Variants in PCNT observed in about 807,000 individuals in gnomAD.
PCNT encodes the protein kendrin.
In PCNT, 319 loss-of-function variants were observed where a neutral mutation model predicts 380.4. The observed-to-expected ratio is 0.84, with a 90% CI of 0.77 to 0.92. The LOEUF is 0.92. Ranked by LOEUF, PCNT falls within the 40% of genes least tolerant of loss-of-function variation. The pLI is 0.00. For synonymous variants in PCNT, 1,845 were observed against 1,735.2 expected (o/e 1.06, Z -1.57); for missense variants, 4,400 against 4,255.3 (o/e 1.03, Z -0.95).
intron 2 of PCNT, among the ~76,000 whole-genome samples, chr21:46,333,832 G>A (rs1185091777): frequency 6.1e-5 from 9 of 146,658 alleles, no homozygotes; most frequent in Non-Finnish European, 3.0e-5. Flanking sequence ...GCAAGACTCC[G>A]TCTCAAAAAA....
intron 21 of PCNT, 145 bp downstream of exon 21, chr21:46,391,521 G>C: frequency 2.8e-6 from 2 of 706,296 alleles, no homozygotes; most frequent in Non-Finnish European, 4.7e-6. Context: ...CACTGGGCAT[G>C]GGAAGCTTGT....
chr21:46,370,072 C>T (rs903709448), intron 15 of PCNT, among the ~76,000 whole-genome samples: 3 of 152,192 alleles, frequency 2.0e-5, no homozygotes, highest in African/African-American at 7.2e-5. Flanking sequence ...CTTCTCTGCC[C>T]TGAGTCTTCA....
At chr21:46,399,255 T>TGTGCAGCCTGTGGGTCTTGGTCTCCCC (rs2086322920) in intron 24 of PCNT, among the ~76,000 whole-genome samples, 93 of 150,666 alleles carry the variant, frequency 6.2e-4, no homozygotes, top group African/African-American at 1.0e-3. Flanking sequence ...TAGGTCTCCC[T>TGTGCAGCCTGTGGGTCTTGGTCTCCCC]GTGCAGCCTG....
rs139247733 is a variant in PCNT at position 46,366,823 on chromosome 21, A to C, written c.2849A>C (p.Gln950Pro). 6.5e-5 allele frequency: 105 copies of C among 1,613,850 alleles called. No individual in the cohort carries two copies. The highest frequency in any genetic ancestry group is 8.1e-5 in the Non-Finnish European group (95 of 1,180,048). The change falls in exon 15 of 47, where the codon CAG becomes CCG. Residue 950 changes from glutamine (Q) to proline (P), a missense_variant. Physicochemically the swap from Gln to Pro is moderately conservative, Grantham distance 76 (BLOSUM62 -1). Coordinates refer to ENST00000359568, the MANE Select transcript of PCNT (RefSeq NM_006031.6). ...ALLAARVAEL[Q>P]TKHAADLGAL... ...CTGGCTGCACGTGTGGCCGAACTGC[A>C]GACAAAACACGCTGCCGACCTCGGC... is the stretch of plus-strand genomic sequence containing the variant.
chr21:46,351,728 T>C (rs2041540886), intron 9 of PCNT, among the ~76,000 whole-genome samples, 188 bp downstream of exon 9: 1 of 152,196 alleles, frequency 6.6e-6, no homozygotes, highest in Admixed American at 6.5e-5. Flanking sequence ...AGAGCCCTGG[T>C]TTTATGCTAA....
At position 46,353,210 on chromosome 21, in the gene PCNT, T is replaced by G. The variant is rs2084341243; in HGVS notation, c.1563T>G (p.Ile521Met). The stretch of plus-strand genomic sequence containing the variant: ...AGTCCGAACTGGAGCAACTGAGGAT[T>G]TATTTTGAAAAGAAGTTAAGGGATG... The part of the protein sequence containing the change: ...QHESELEQLR[I>M]YFEKKLRDAE... Residue 521 changes from isoleucine to methionine, a missense_variant, in exon 10 of 47, where the codon ATT becomes ATG. Transcript: ENST00000359568. 6.2e-7 allele frequency: 1 copy of G among 1,613,910 alleles called. No individual in the cohort carries two copies. Among genetic ancestry groups the G allele is most frequent in the African/African-American group, 1.3e-5 (1 of 74,884 alleles).
chr21:46,391,407 G>A (rs905293647), intron 21 of PCNT, 31 bp downstream of exon 21: 7 of 1,518,758 alleles, frequency 4.6e-6, no homozygotes, highest in Middle Eastern at 2.3e-4. Context: ...AGGGTGGTGC[G>A]AGCTGTGGGG....
At chr21:46,423,725 A>AG (rs1260993133) in intron 32 of PCNT, among the ~76,000 whole-genome samples, 4 of 3,804 alleles carry the variant, frequency 1.1e-3, no homozygotes, top group African/African-American at 1.9e-3. Context: ...GAGGAAGAGA[A>AG]GGGGAGGGGG....
chr21:46,330,452 C>G (rs1429383029), intron 2 of PCNT, among the ~76,000 whole-genome samples: 1 of 152,128 alleles, frequency 6.6e-6, no homozygotes, highest in Non-Finnish European at 1.5e-5. Context: ...TATAGGTAAA[C>G]TAAGTAGTAT....
intron 14 of PCNT, 57 bp downstream of exon 14, chr21:46,363,991 A>G (rs1230594082): frequency 1.5e-5 from 22 of 1,514,912 alleles, no homozygotes; most frequent in Non-Finnish European, 1.8e-5. Flanking sequence ...CTTGGAGGGT[A>G]GAAGGTGGGC....
At position 46,411,592 on chromosome 21, in the gene PCNT, G is replaced by T. The variant is rs200559632; in HGVS notation, c.5519G>T (p.Arg1840Leu). Reference protein sequence around the residue: ...AAELQLAELERNVALREAEVE... With the variant: ...AAELQLAELELNVALREAEVE... ...GAGCTACAGCTGGCTGAGCTGGAGCGCAATGTAGCCCTCAGGGAGGCTGAG... is the reference window on the plus strand; with the variant it reads ...GAGCTACAGCTGGCTGAGCTGGAGCTCAATGTAGCCCTCAGGGAGGCTGAG... Residue 1840 changes from arginine to leucine, a missense_variant, in exon 28 of 47, where the codon CGC (arginine) becomes CTC (leucine). Coordinates refer to ENST00000359568, the MANE Select transcript of PCNT (RefSeq NM_006031.6). The T allele has an allele frequency of 1.3e-5, 21 of 1,612,902 alleles. No individual in the cohort carries two copies. Among genetic ancestry groups the T allele is most frequent in the Non-Finnish European group, 1.6e-5 (19 of 1,179,840 alleles).
At chr21:46,339,980 G>C (rs916022990) in intron 3 of PCNT, among the ~76,000 whole-genome samples, 1 of 152,170 alleles carries the variant, frequency 6.6e-6, no homozygotes, top group South Asian at 2.1e-4. Flanking sequence ...GAGTTCTCTT[G>C]CATACCGTAT....
chr21:46,327,748 C>T (rs1033550234), intron 2 of PCNT, among the ~76,000 whole-genome samples: 1 of 152,204 alleles, frequency 6.6e-6, no homozygotes, highest in Non-Finnish European at 1.5e-5. Flanking sequence ...GTAAATGCAC[C>T]TGCTTGTCAC....
Position 46,416,833 on chromosome 21 carries a change from G to A in PCNT, c.6915G>A (p.Thr2305=), listed in dbSNP as rs780544143. Residue 2305 remains threonine (T), a synonymous_variant, in exon 30 of 47, where the codon ACG becomes ACA. Transcript: ENST00000359568. ...PPADDHHVQR[T]AVEKDVEDFI... is the part of the protein sequence containing the mutation. Reference sequence around the variant, plus strand: ...CTGACGACCACCATGTGCAGAGGACGGCTGTGGTAGGTGCCTGCTCTGCTC... The same window carrying A: ...CTGACGACCACCATGTGCAGAGGACAGCTGTGGTAGGTGCCTGCTCTGCTC... 8.8e-6 allele frequency: 14 copies of A among 1,597,548 alleles called. No homozygotes were observed. The Admixed American group carries it at 1.2e-4, about 13-fold the overall frequency.
intron 27 of PCNT, among the ~76,000 whole-genome samples, chr21:46,407,830 CT>C (rs1266664418): frequency 1.3e-5 from 2 of 152,128 alleles, no homozygotes; most frequent in Non-Finnish European, 2.9e-5. Flanking sequence ...AAAGAATCAG[CT>C]TTTGGCTCTG....
At chr21:46,352,596 T>C (rs1285010623) in intron 9 of PCNT, among the ~76,000 whole-genome samples, 1 of 152,194 alleles carries the variant, frequency 6.6e-6, no homozygotes, top group Admixed American at 6.5e-5. Flanking sequence ...ACAAGTTCTT[T>C]TAGGGTCCGT....
intron 42 of PCNT, among the ~76,000 whole-genome samples, chr21:46,440,506 T>G (rs2053578720): frequency 1.3e-5 from 2 of 152,212 alleles, no homozygotes; most frequent in Admixed American, 6.5e-5. Flanking sequence ...CGGCCCAAGA[T>G]CTGCTGCAGT....
At position 46,416,409 on chromosome 21, in the gene PCNT, A is replaced by G. The variant is rs555273022; in HGVS notation, c.6491A>G (p.Lys2164Arg). 1 of 1,614,220 alleles carries G rather than the reference A, an allele frequency of 6.2e-7. No homozygotes were observed. The highest frequency in any genetic ancestry group is 8.5e-7 in the Non-Finnish European group (1 of 1,180,042). Reference protein sequence around the residue: ...TTPGGVTDVIKNWDSLIPDEM... With the variant: ...TTPGGVTDVIRNWDSLIPDEM... ...CCAGGGGGTGTAACTGATGTTATCA[A>G]AAATTGGGATTCCTTGATACCAGAT... Residue 2164 changes from lysine to arginine, a missense_variant, in exon 30 of 47, where the codon AAA (lysine) becomes AGA (arginine). Coordinates refer to ENST00000359568, the MANE Select transcript of PCNT (RefSeq NM_006031.6).
intron 27 of PCNT, among the ~76,000 whole-genome samples, chr21:46,408,621 T>C (rs1199815333): frequency 6.6e-6 from 1 of 152,118 alleles, no homozygotes; most frequent in Non-Finnish European, 1.5e-5. Context: ...TATCCTAGAG[T>C]TTTGTATTTC....
Sources: allele counts gnomAD v4.1 joint callset (sites outside exome capture counted in the v4.1 genomes callset), GRCh38; gene constraint gnomAD v4.1.1; transcripts MANE v1.5; gene names NCBI Gene and HGNC (gene_info 2026-07-23, HGNC 2026-07-21).